The following CSMD2 variants were observed in gnomAD, a reference collection of about 807,000 sequenced individuals.
CSMD2 encodes the protein CUB and sushi domain-containing protein 2.
A neutral mutation model predicts 398.5 loss-of-function variants in CSMD2; 130 were observed. The ratio of observed to expected loss-of-function variants is 0.33; its 90% CI spans 0.28 to 0.38. The LOEUF (loss-of-function observed/expected upper bound fraction) is 0.38. Ranked by LOEUF, CSMD2 falls within the 10% of genes least tolerant of loss-of-function variation. The pLI is 1.00. For synonymous variants in CSMD2, 1,828 were observed against 1,908.5 expected (o/e 0.96, Z 1.10); for missense variants, 3,829 against 4,764.9 (o/e 0.80, Z 5.78).
intron 12 of CSMD2, among the ~76,000 whole-genome samples, chr1:33,773,685 G>C (rs927050141): frequency 2.6e-5 from 4 of 152,220 alleles, no homozygotes; most frequent in Admixed American, 2.6e-4. Flanking sequence ...GAAGAGGGAA[G>C]GAGGGGAGCT....
intron 1 of CSMD2, among the ~76,000 whole-genome samples, chr1:34,131,754 G>A (rs1399342867): frequency 1.3e-5 from 2 of 152,074 alleles, no homozygotes; most frequent in Non-Finnish European, 2.9e-5. Context: ...GTTTTCAAAT[G>A]AGCCCAGGCC....
At chr1:33,672,517 A>G (rs937801706) in intron 25 of CSMD2, among the ~76,000 whole-genome samples, 3 of 152,192 alleles carry the variant, frequency 2.0e-5, no homozygotes, top group African/African-American at 7.2e-5. Context: ...GCCTGCCTCT[A>G]TAGGCTCCAC....
intron 53 of CSMD2, among the ~76,000 whole-genome samples, chr1:33,567,136 C>G (rs986189681): frequency 1.3e-5 from 2 of 151,432 alleles, no homozygotes; most frequent in Non-Finnish European, 2.9e-5. Flanking sequence ...ACAAATCCTT[C>G]TATTAAAAAT....
At chr1:34,092,878 G>C (rs547363684) in intron 1 of CSMD2, among the ~76,000 whole-genome samples, 11 of 151,348 alleles carry the variant, frequency 7.3e-5, no homozygotes, top group South Asian at 4.2e-4. Flanking sequence ...CAAAGCAGCC[G>C]GAAAGCTCGA....
At chr1:33,716,176 C>G in intron 20 of CSMD2, 110 bp downstream of exon 20, 1 of 911,566 alleles carries the variant, frequency 1.1e-6, no homozygotes, top group Non-Finnish European at 1.7e-6. Flanking sequence ...TTCCCAGGGA[C>G]TGGAGAGTGG....
At chr1:34,074,449 G>A (rs1291357475) in intron 2 of CSMD2, among the ~76,000 whole-genome samples, 1 of 152,158 alleles carries the variant, frequency 6.6e-6, no homozygotes, top group Non-Finnish European at 1.5e-5. Flanking sequence ...CCTACCCATT[G>A]TCATTCTGCA....
At chr1:33,919,528 A>T (rs1221638940) in intron 4 of CSMD2, among the ~76,000 whole-genome samples, 1 of 152,248 alleles carries the variant, frequency 6.6e-6, no homozygotes, top group Non-Finnish European at 1.5e-5. Flanking sequence ...AGTTTCTATG[A>T]GTGCAGAAAT....
Position 33,932,888 on chromosome 1 carries a change from T to C in CSMD2, c.712+2872A>G, listed in dbSNP as rs1441548257. On this transcript the variant is annotated intron_variant, in intron 4 of 70. Transcript: ENST00000373381. ...CAGGCTCTTGTGCCTAAGAAGTTGATGGAAATTCTGAAATGGGCTCAAGGT... is the reference window on the plus strand; with the variant it reads ...CAGGCTCTTGTGCCTAAGAAGTTGACGGAAATTCTGAAATGGGCTCAAGGT... 1.3e-5 allele frequency among the ~76,000 whole-genome samples: 2 copies of C among 152,012 alleles called. 1 individual carries two copies. The highest frequency in any genetic ancestry group is 1.3e-4 in the Admixed American group (2 of 15,264).
rs1026511166 is a variant in CSMD2 at position 33,633,799 on chromosome 1, G to C, written c.5087-264C>G. 6.6e-6 allele frequency among the ~76,000 whole-genome samples: 1 copy of C among 152,180 alleles called. No homozygotes were observed. Among genetic ancestry groups the C allele is most frequent in the Admixed American group, 6.5e-5 (1 of 15,282 alleles). On this transcript the variant is annotated intron_variant, in intron 31 of 70. Transcript: ENST00000373381. The surrounding 1 kb of genome is among the most constrained non-coding windows in gnomAD (Gnocchi z 5.0). ...GGAGGGCTGCACCCAAAGGTCAGGC[G>C]GGTAGAGGCGAAATGGAGCCAACTT...
At chr1:33,814,138 C>CA (rs1307353263) in intron 9 of CSMD2, 1 of 152,238 alleles carries the variant, frequency 6.6e-6, no homozygotes, top group Non-Finnish European at 1.5e-5. Flanking sequence ...TGTCCTTATG[C>CA]AAATTTGATC....
intron 55 of CSMD2, among the ~76,000 whole-genome samples, chr1:33,552,849 T>C (rs940872218): frequency 6.6e-6 from 1 of 152,154 alleles, no homozygotes; most frequent in Non-Finnish European, 1.5e-5. Context: ...AATTAGACAG[T>C]GATGATACTT....
At chr1:34,154,200 A>G (rs956909187) in intron 1 of CSMD2, among the ~76,000 whole-genome samples, 13 of 152,128 alleles carry the variant, frequency 8.5e-5, no homozygotes, top group African/African-American at 3.1e-4. Flanking sequence ...GGCACTTTAC[A>G]CTCCTAAAAA....
intron 19 of CSMD2, among the ~76,000 whole-genome samples, chr1:33,723,388 A>G (rs1646423914): frequency 6.6e-6 from 1 of 152,264 alleles, no homozygotes; most frequent in African/African-American, 2.4e-5. Flanking sequence ...TGCAAGAACC[A>G]TGACTCTGGA....
At chr1:33,935,727 C>A (rs1264306946) in intron 4 of CSMD2, 33 bp downstream of exon 4, 8 of 1,564,956 alleles carry the variant, frequency 5.1e-6, no homozygotes, top group South Asian at 3.7e-5. Flanking sequence ...CAGCCACTGC[C>A]CCACTCTGTC....
intron 5 of CSMD2, among the ~76,000 whole-genome samples, chr1:33,911,831 G>T (rs1306994892): frequency 6.6e-6 from 1 of 152,204 alleles, no homozygotes; most frequent in Non-Finnish European, 1.5e-5. Context: ...GTAGATGCCA[G>T]AGCCCCGGGG....
chr1:33,544,831 T>TTTTATATATATATATA (rs1344119444), intron 57 of CSMD2, among the ~76,000 whole-genome samples: 1 of 141,984 alleles, frequency 7.0e-6, no homozygotes, highest in African/African-American at 2.7e-5. Context: ...CACTGTGCAT[T>TTTTATATATATATATA]TATATATATA....
At chr1:33,565,270 G>T (rs1396697128) in intron 53 of CSMD2, among the ~76,000 whole-genome samples, 1 of 152,074 alleles carries the variant, frequency 6.6e-6, no homozygotes, top group Non-Finnish European at 1.5e-5. Context: ...ACAGAAAAGG[G>T]ACATAAAAGT....
rs139818741 is a variant in CSMD2 at position 33,762,435 on chromosome 1, T to G, written c.1846+10134A>C. ...CAGAGATACCTCATTCCCCTATAAG[T>G]AGAGGTCACAGCCCAGGATTAGACT... On this transcript the variant is annotated intron_variant, in intron 13 of 70. Transcript: ENST00000373381. Among the ~76,000 whole-genome samples the G allele has an allele frequency of 1.8e-3, 280 of 152,302 alleles. 1 individual carries two copies. The highest frequency in any genetic ancestry group is 6.1e-3 in the African/African-American group (255 of 41,560).
At chr1:33,879,450 C>T (rs1201147511) in intron 5 of CSMD2, among the ~76,000 whole-genome samples, 1 of 152,202 alleles carries the variant, frequency 6.6e-6, no homozygotes, top group Non-Finnish European at 1.5e-5. Flanking sequence ...GGCCTACTCT[C>T]CCAAGGGTTG....
Sources: gnomAD v4.1 joint callset for allele counts (sites outside exome capture counted in the v4.1 genomes callset) on GRCh38, gnomAD v4.1.1 for gene constraint, Gnocchi (gnomAD v3.1) non-coding constraint, MANE v1.5 for transcripts, NCBI Gene and HGNC (gene_info 2026-07-23, HGNC 2026-07-21) for gene names.